The following ZNF257 variants were observed in gnomAD, a reference collection of about 807,000 sequenced individuals.
ZNF257 encodes the protein bone marrow zinc finger 4.
In ZNF257, 12 loss-of-function variants were observed where a neutral mutation model predicts 11.9. That is an observed-to-expected ratio of 1.01 (90% CI 0.65 to 1.63). The LOEUF (loss-of-function observed/expected upper bound fraction) is 1.63. Among genes scored for constraint, ZNF257 ranks in the 40% most tolerant of loss-of-function variants. ZNF257 has a pLI of 0.00. For missense variants in ZNF257, 580 were observed against 665.5 expected, an observed-to-expected ratio of 0.87 and a Z score of 1.41; for synonymous variants, 183 against 222.7, an observed-to-expected ratio of 0.82 and a Z score of 1.59.
intron 3 of ZNF257, among the ~76,000 whole-genome samples, chr19:22,086,071 A>C (rs2022470494): frequency 6.6e-6 from 1 of 152,076 alleles, no homozygotes; most frequent in African/African-American, 2.4e-5. Context: ...AAAGACAAAG[A>C]CTTCCGTTAT....
rs761227733 is a variant in ZNF257, at chr19:22,089,204, A to G, written c.1454A>G (p.Lys485Arg). The change falls in exon 4 of 4, where the codon AAG (lysine) becomes AGG (arginine). Residue 485 changes from lysine to arginine, a missense_variant. Lys to Arg is a conservative substitution (Grantham distance 26). Coordinates refer to ENST00000594947, the MANE Select transcript of ZNF257 (RefSeq NM_033468.4). ...TQHKIIHTGE[K>R]PYKCEECGKA... is the part of the protein sequence containing the mutation. Reference sequence around the variant, plus strand: ...CATAAAATAATTCATACTGGGGAGAAGCCCTACAAATGTGAAGAATGTGGC... The same window carrying G: ...CATAAAATAATTCATACTGGGGAGAGGCCCTACAAATGTGAAGAATGTGGC... The G allele has an allele frequency of 6.2e-7, 1 of 1,613,850 alleles. No individual in the cohort carries two copies. Among genetic ancestry groups the G allele is most frequent in the South Asian group, 1.1e-5 (1 of 91,056 alleles).
chr19:22,078,031 A>C (rs2022268564), intron 3 of ZNF257, among the ~76,000 whole-genome samples: 1 of 151,448 alleles, frequency 6.6e-6, no homozygotes, highest in African/African-American at 2.4e-5. Flanking sequence ...CAAGGGCAGG[A>C]GTTTGAGACC....
rs886652326 is a variant in ZNF257, at chr19:22,074,922, C to T, written c.226+1358C>T. On this transcript the variant is annotated intron_variant, in intron 3 of 3. Coordinates refer to ENST00000594947, the MANE Select transcript of ZNF257 (RefSeq NM_033468.4). The stretch of plus-strand genomic sequence containing the variant: ...TGACTAATTATTCTGCCATATACTT[C>T]AGTGCTATGTTAAAATAGAAGCATT... 3.3e-5 allele frequency among the ~76,000 whole-genome samples: 5 copies of T among 149,502 alleles called. No homozygotes were observed. The Admixed American group carries it at 3.4e-4, about 10-fold the overall frequency.
At chr19:22,058,184 A>AGG (rs760494274) in intron 1 of ZNF257, among the ~76,000 whole-genome samples, 3 of 152,160 alleles carry the variant, frequency 2.0e-5, no homozygotes, top group Non-Finnish European at 4.4e-5. Context: ...CTTTCCATGA[A>AGG]CTGTTCCTGG....
At chr19:22,065,496 A>C (rs2021920836) in intron 1 of ZNF257, among the ~76,000 whole-genome samples, 1 of 152,140 alleles carries the variant, frequency 6.6e-6, no homozygotes, top group African/African-American at 2.4e-5. Context: ...CATGGTGCCC[A>C]GCGATTACAG....
intron 1 of ZNF257, 111 bp from the exon 2 acceptor site, chr19:22,072,698 T>G: frequency 7.6e-7 from 1 of 1,320,970 alleles, no homozygotes; most frequent in Non-Finnish European, 1.0e-6. Flanking sequence ...GTCACTCCAA[T>G]AAGGCAGAAC....
chr19:22,081,505 CATTTAATTTTTTAAATATAATTT>C (rs1370943743), intron 3 of ZNF257, among the ~76,000 whole-genome samples: 4 of 151,856 alleles, frequency 2.6e-5, no homozygotes, highest in African/African-American at 9.7e-5. Flanking sequence ...GCCAATTAGG[CATTTAATTTTTTAAATATAATTT>C]ATTTAATTTT....
At chr19:22,056,642 A>AT (rs933902611) in intron 1 of ZNF257, among the ~76,000 whole-genome samples, 69 of 150,582 alleles carry the variant, frequency 4.6e-4, no homozygotes, top group East Asian at 1.8e-3. Flanking sequence ...TGTCCGGCTA[A>AT]TTTTTTTTTG....
intron 1 of ZNF257, among the ~76,000 whole-genome samples, chr19:22,055,484 G>T (rs968242555): frequency 6.6e-6 from 1 of 152,082 alleles, no homozygotes; most frequent in African/African-American, 2.4e-5. Context: ...GGAATTACAG[G>T]CGTGAGCCAC....
At chr19:22,060,217 G>A (rs769461860) in intron 1 of ZNF257, among the ~76,000 whole-genome samples, 6 of 152,146 alleles carry the variant, frequency 3.9e-5, no homozygotes, top group Non-Finnish European at 8.8e-5. Context: ...TTACTTACAT[G>A]AGACATCACT....
chr19:22,058,932 C>T (rs933195208), intron 1 of ZNF257, among the ~76,000 whole-genome samples: 2 of 151,998 alleles, frequency 1.3e-5, no homozygotes, highest in South Asian at 2.1e-4. Context: ...CAAGTGTCTA[C>T]AAGTCTCCTG....
chr19:22,057,992 C>T (rs1379295406), intron 1 of ZNF257, among the ~76,000 whole-genome samples: 2 of 152,114 alleles, frequency 1.3e-5, no homozygotes, highest in African/African-American at 4.8e-5. Context: ...GAACTCCTGA[C>T]CTCAGGTGAT....
intron 1 of ZNF257, among the ~76,000 whole-genome samples, chr19:22,055,945 C>T (rs973706254): frequency 1.3e-5 from 2 of 151,010 alleles, no homozygotes; most frequent in Non-Finnish European, 1.5e-5. Flanking sequence ...GTCCCAGCTA[C>T]TCGGGAGGCT....
intron 1 of ZNF257, among the ~76,000 whole-genome samples, chr19:22,055,132 C>T (rs1234401607): frequency 6.6e-6 from 1 of 152,082 alleles, no homozygotes; most frequent in Non-Finnish European, 1.5e-5. Context: ...GAAATAATTT[C>T]TGCCCCCTGG....
chr19:22,081,112 C>T (rs1018750077), intron 3 of ZNF257, among the ~76,000 whole-genome samples: 29 of 151,766 alleles, frequency 1.9e-4, no homozygotes, highest in African/African-American at 6.3e-4. Context: ...CTCCTGACCT[C>T]GTCATCCACC....
intron 1 of ZNF257, among the ~76,000 whole-genome samples, chr19:22,067,335 G>A (rs1049155992): frequency 6.6e-6 from 1 of 152,062 alleles, no homozygotes; most frequent in African/African-American, 2.4e-5. Context: ...GAATAGACAC[G>A]TAGACATGAG....
chr19:22,064,823 AGGTG>A (rs2021898283), intron 1 of ZNF257, among the ~76,000 whole-genome samples: 1 of 152,154 alleles, frequency 6.6e-6, no homozygotes, highest in Non-Finnish European at 1.5e-5. Flanking sequence ...TGGGAGGCCG[AGGTG>A]GGCAGATCAC....
intron 3 of ZNF257, among the ~76,000 whole-genome samples, chr19:22,076,874 G>A (rs1351930838): frequency 1.3e-5 from 2 of 152,080 alleles, no homozygotes; most frequent in Non-Finnish European, 2.9e-5. Context: ...ATTTTTAGTA[G>A]AGTCAGGGTT....
intron 1 of ZNF257, among the ~76,000 whole-genome samples, chr19:22,070,601 A>G (rs1251990633): frequency 2.0e-5 from 3 of 152,112 alleles, no homozygotes; most frequent in Non-Finnish European, 2.9e-5. Context: ...TTTCCTCTGT[A>G]TACTCTACAG....
Sources: gnomAD v4.1 joint callset for allele counts (sites outside exome capture counted in the v4.1 genomes callset) on GRCh38, gnomAD v4.1.1 for gene constraint, MANE v1.5 for transcripts, NCBI Gene and HGNC (gene_info 2026-07-23, HGNC 2026-07-21) for gene names.